Variants in CDK13 observed in about 807,000 individuals in gnomAD.
CDK13 encodes cyclin-dependent kinase 13.
A neutral mutation model predicts 137.6 loss-of-function variants in CDK13; 40 were observed. The observed-to-expected ratio is 0.29, with a 90% confidence interval of 0.23 to 0.38. The LOEUF (loss-of-function observed/expected upper bound fraction) is 0.38. Among genes scored for constraint, CDK13 ranks in the 10% least tolerant of loss-of-function variants. The pLI is 1.00. For missense variants in CDK13, 1,704 were observed against 1,951.8 expected, an observed-to-expected ratio of 0.87 and a Z score of 2.39; for synonymous variants, 869 against 760.1, an observed-to-expected ratio of 1.14 and a Z score of -2.36.
intron 11 of CDK13, among the ~76,000 whole-genome samples, chr7:40,087,291 C>T (rs1786810620): frequency 6.6e-6 from 1 of 151,954 alleles, no homozygotes; most frequent in Non-Finnish European, 1.5e-5. Flanking sequence ...CTGCAGTGCA[C>T]AACATCATGC....
intron 10 of CDK13, 48 bp from the exon 11 acceptor site, chr7:40,078,672 G>A (rs768641636): frequency 8.0e-7 from 1 of 1,244,428 alleles, no homozygotes. Context: ...AGAAACATAA[G>A]CTTGTGTCTA....
At chr7:39,952,838 TATATA>T (rs1787278394) in intron 1 of CDK13, 1 of 152,232 alleles carries the variant, frequency 6.6e-6, no homozygotes, top group South Asian at 2.1e-4. Flanking sequence ...CCTTTTTTGT[TATATA>T]ATATTCTTTT....
At position 39,987,808 on chromosome 7, in the gene CDK13, C is replaced by T. The variant is rs923720375; in HGVS notation, c.1421C>T (p.Ala474Val). The part of the protein sequence containing the change: ...AARAAEAAKA[A>V]EATKAAEAAA... ...AGAGCCGCAGAAGCAGCGAAAGCTG[C>T]AGAAGCAACTAAGGCTGCTGAGGCT... Residue 474 changes from alanine to valine, a missense_variant, in exon 2 of 14, where the codon GCA becomes GTA. Coordinates refer to ENST00000181839, the MANE Select transcript of CDK13 (RefSeq NM_003718.5). 5 of 1,613,748 alleles carry T rather than the reference C, an allele frequency of 3.1e-6. No individual in the cohort carries two copies. In the African/African-American group the frequency reaches 6.7e-5, roughly 22 times the overall value.
chr7:40,009,409 A>G (rs940359766), intron 5 of CDK13, among the ~76,000 whole-genome samples: 12 of 152,248 alleles, frequency 7.9e-5, no homozygotes, highest in African/African-American at 2.4e-4. Flanking sequence ...CTTTAGTTAA[A>G]GCAGAGGCTT....
intron 1 of CDK13, among the ~76,000 whole-genome samples, chr7:39,981,860 C>T (rs1309546355): frequency 2.0e-5 from 3 of 149,034 alleles, no homozygotes; most frequent in Non-Finnish European, 4.4e-5. Context: ...GGCACAATCT[C>T]GGCTCACTGC....
At chr7:39,966,312 C>T (rs963940843) in intron 1 of CDK13, among the ~76,000 whole-genome samples, 13 of 152,106 alleles carry the variant, frequency 8.5e-5, no homozygotes, top group African/African-American at 2.4e-4. Context: ...AGGCTTTGTT[C>T]GTTTCTTTTT....
chr7:40,022,122 T>C (rs1583999831), intron 5 of CDK13, among the ~76,000 whole-genome samples: 1 of 152,196 alleles, frequency 6.6e-6, no homozygotes, highest in African/African-American at 2.4e-5. Context: ...AGGTCTTAAG[T>C]TTTCAGCATT....
rs1397721148 is a variant in CDK13, at chr7:40,097,640, T to C, written c.*2660T>C. On this transcript the variant is annotated 3_prime_UTR_variant, in exon 14 of 14. Transcript: ENST00000181839. ...ACTGCAAGTTAAGAAGACAAAAATATAAAAGATTTGACCTGCCAAAAGAAG... is the reference window on the plus strand; with the variant it reads ...ACTGCAAGTTAAGAAGACAAAAATACAAAAGATTTGACCTGCCAAAAGAAG... 2.0e-5 allele frequency: 3 copies of C among 152,082 alleles called. No homozygotes were observed. Among genetic ancestry groups the C allele is most frequent in the Admixed American group, 6.6e-5 (1 of 15,254 alleles). 9.4% of individuals were successfully genotyped at this position (152,082 alleles called of 1,614,324 possible).
chr7:39,994,775 G>A (rs923287792), intron 2 of CDK13, among the ~76,000 whole-genome samples: 7 of 152,022 alleles, frequency 4.6e-5, no homozygotes, highest in Non-Finnish European at 7.4e-5. Context: ...GCCACCGTTT[G>A]GCTTTTAGTT....
At chr7:40,020,402 C>T (rs1223777079) in intron 5 of CDK13, among the ~76,000 whole-genome samples, 1 of 152,150 alleles carries the variant, frequency 6.6e-6, no homozygotes, top group Non-Finnish European at 1.5e-5. Flanking sequence ...ACTAATGCAG[C>T]AGCCACTTTA....
intron 7 of CDK13, chr7:40,059,134 A>G (rs1308336573): frequency 6.6e-6 from 1 of 152,212 alleles, no homozygotes; most frequent in Non-Finnish European, 1.5e-5. Flanking sequence ...TAGAACCCCC[A>G]AATACTTCAA....
intron 5 of CDK13, among the ~76,000 whole-genome samples, chr7:40,031,828 GTTATTATTATTATTATTATTATTA>G (rs34654098): frequency 1.4e-5 from 2 of 139,108 alleles, no homozygotes; most frequent in African/African-American, 5.3e-5. Context: ...TATTATTATT[GTTATTATTATTATTATTATTATTA>G]TTATTATTAT....
At chr7:40,013,991 A>G (rs1000392463) in intron 5 of CDK13, among the ~76,000 whole-genome samples, 1 of 151,702 alleles carries the variant, frequency 6.6e-6, no homozygotes, top group Non-Finnish European at 1.5e-5. Flanking sequence ...TGCTTATTGT[A>G]CATTTCAACC....
chr7:39,992,070 TACACACACACACACACACACAC>T (rs148046155), intron 2 of CDK13, among the ~76,000 whole-genome samples: 3 of 146,982 alleles, frequency 2.0e-5, no homozygotes, highest in African/African-American at 5.0e-5. Flanking sequence ...GAAAAAATTA[TACACACACACACACACACACAC>T]ACACACACAC....
At chr7:40,038,065 CTA>C (rs895824353) in intron 5 of CDK13, among the ~76,000 whole-genome samples, 32 of 152,224 alleles carry the variant, frequency 2.1e-4, no homozygotes, top group Admixed American at 1.8e-3. Context: ...AAACTCTAAA[CTA>C]TAAAACAGGT....
intron 1 of CDK13, among the ~76,000 whole-genome samples, chr7:39,957,794 A>G (rs1787465718): frequency 6.6e-6 from 1 of 152,206 alleles, no homozygotes; most frequent in Admixed American, 6.5e-5. Flanking sequence ...CATTATGTCA[A>G]ACTTATTTCC....
At position 39,950,739 on chromosome 7, in the gene CDK13, C is replaced by T. The variant is rs1305596732; in HGVS notation, c.98C>T (p.Ser33Phe). ...EERRKRRRFL[S>F]PQQPPLLLPL... ...CGCCGCAAGCGGAGGCGATTCCTGT[C>T]CCCTCAGCAGCCGCCGCTGCTGTTG... The change falls in exon 1 of 14, where the codon TCC becomes TTC. Residue 33 changes from serine (S) to phenylalanine (F), a missense_variant. By Grantham distance (155) the Ser-to-Phe change is radical. Coordinates refer to ENST00000181839, the MANE Select transcript of CDK13 (RefSeq NM_003718.5). 9.5e-6 allele frequency: 14 copies of T among 1,472,332 alleles called. No homozygotes were observed. Among genetic ancestry groups the T allele is most frequent in the East Asian group, 3.0e-5 (1 of 33,816 alleles). 91.2% of individuals were successfully genotyped at this position (1,472,332 alleles called of 1,614,324 possible). A position where few individuals can be genotyped will look rare whatever the true frequency, so the allele number is the denominator to read the frequency against.
intron 5 of CDK13, among the ~76,000 whole-genome samples, chr7:40,021,853 G>T (rs11983287): frequency 0.087 from 13,289 of 152,144 alleles, 974 homozygotes; most frequent in East Asian, 0.33. Context: ...CAAGCAGATA[G>T]TTATTTCTGT....
At chr7:40,025,487 C>T (rs759666531) in intron 5 of CDK13, among the ~76,000 whole-genome samples, 1 of 151,996 alleles carries the variant, frequency 6.6e-6, no homozygotes, top group Non-Finnish European at 1.5e-5. Flanking sequence ...CATTGCTATT[C>T]CTTGTATCTA....
Sources: allele counts gnomAD v4.1 joint callset (sites outside exome capture counted in the v4.1 genomes callset), GRCh38; gene constraint gnomAD v4.1.1; transcripts MANE v1.5; gene names NCBI Gene and HGNC (gene_info 2026-07-23, HGNC 2026-07-21).